KCNC2: variants seen among roughly 807,000 people sequenced by gnomAD.
The protein encoded by KCNC2 is voltage-gated potassium channel KCNC2.
A neutral mutation model predicts 44.5 loss-of-function variants in KCNC2; 21 were observed. The ratio of observed to expected loss-of-function variants is 0.47; its 90% confidence interval spans 0.33 to 0.68. The LOEUF is 0.68. Among genes scored for constraint, KCNC2 ranks in the 30% least tolerant of loss-of-function variants. KCNC2 has a pLI of 0.01. For synonymous variants in KCNC2, 391 were observed against 339.1 expected (o/e 1.15, Z -1.68); for missense variants, 589 against 826.2 (o/e 0.71, Z 3.52).
At chr12:75,092,334 T>A (rs1885556578) in intron 2 of KCNC2, among the ~76,000 whole-genome samples, 1 of 151,668 alleles carries the variant, frequency 6.6e-6, no homozygotes, top group Non-Finnish European at 1.5e-5. Context: ...TCAGCCTGTA[T>A]AATTTCTCTT....
intron 2 of KCNC2, among the ~76,000 whole-genome samples, chr12:75,128,074 C>T (rs1180256283): frequency 6.6e-6 from 1 of 151,916 alleles, no homozygotes; most frequent in Admixed American, 6.6e-5. Flanking sequence ...AAAATAATAA[C>T]TCAAATTATA....
At chr12:75,097,807 C>T (rs1886062213) in intron 2 of KCNC2, among the ~76,000 whole-genome samples, 1 of 152,036 alleles carries the variant, frequency 6.6e-6, no homozygotes, top group Non-Finnish European at 1.5e-5. Flanking sequence ...ATTAACATCT[C>T]AAAACCAAAG....
chr12:75,205,647 CATGATCTGGAAAAA>C, intron 2 of KCNC2, among the ~76,000 whole-genome samples: 1 of 152,100 alleles, frequency 6.6e-6, no homozygotes, highest in African/African-American at 2.4e-5. Context: ...TTTTGTAGCA[CATGATCTGGAAAAA>C]AAGAATCACA....
intron 2 of KCNC2, among the ~76,000 whole-genome samples, chr12:75,095,413 C>G (rs553591292): frequency 6.6e-6 from 1 of 151,818 alleles, no homozygotes; most frequent in African/African-American, 2.4e-5. Flanking sequence ...TTGCATTTTT[C>G]CCCGGCCCTG....
intron 2 of KCNC2, among the ~76,000 whole-genome samples, chr12:75,142,484 G>T (rs79352983): frequency 6.6e-6 from 1 of 152,258 alleles, no homozygotes; most frequent in East Asian, 1.9e-4. Context: ...GGCACTCTAC[G>T]TCCAATATAG....
intron 2 of KCNC2, among the ~76,000 whole-genome samples, chr12:75,084,298 A>AGATAGAT (rs1884792860): frequency 2.8e-5 from 4 of 144,200 alleles, no homozygotes; most frequent in African/African-American, 7.8e-5. Flanking sequence ...GATGATAGAT[A>AGATAGAT]GATAGATAGA....
intron 2 of KCNC2, among the ~76,000 whole-genome samples, chr12:75,109,354 G>C (rs1412448975): frequency 6.6e-6 from 1 of 152,108 alleles, no homozygotes; most frequent in Non-Finnish European, 1.5e-5. Flanking sequence ...TCACCTCTGC[G>C]CTTGATGGCA....
intron 2 of KCNC2, among the ~76,000 whole-genome samples, chr12:75,103,650 C>T (rs529253822): frequency 6.6e-6 from 1 of 152,280 alleles, no homozygotes; most frequent in South Asian, 2.1e-4. Flanking sequence ...CAAGGTTATA[C>T]TCATATACAG....
chr12:75,130,403 A>C (rs996088473), intron 2 of KCNC2, among the ~76,000 whole-genome samples: 13 of 152,016 alleles, frequency 8.6e-5, no homozygotes, highest in African/African-American at 2.2e-4. Context: ...TTTTCTATTT[A>C]TCTCTCTCAT....
intron 2 of KCNC2, among the ~76,000 whole-genome samples, chr12:75,200,999 T>G (rs2031197457): frequency 6.6e-6 from 1 of 151,558 alleles, no homozygotes; most frequent in Admixed American, 6.6e-5. Context: ...CGACTGAGAT[T>G]ATCTAATCGG....
chr12:75,147,000 C>G (rs375165192), intron 2 of KCNC2, among the ~76,000 whole-genome samples: 22 of 152,174 alleles, frequency 1.4e-4, no homozygotes, highest in Admixed American at 9.8e-4. Flanking sequence ...ATTTACACAT[C>G]ATAAGACTTT....
chr12:75,185,627 G>C (rs1324475055), intron 2 of KCNC2, among the ~76,000 whole-genome samples: 1 of 151,666 alleles, frequency 6.6e-6, no homozygotes, highest in Non-Finnish European at 1.5e-5. Context: ...AAAAAATTTT[G>C]TTCTCTACAA....
At chr12:75,092,204 A>C (rs1284030638) in intron 2 of KCNC2, among the ~76,000 whole-genome samples, 1 of 151,752 alleles carries the variant, frequency 6.6e-6, no homozygotes, top group East Asian at 1.9e-4. Flanking sequence ...ACTTAAGAAC[A>C]AAGTAAAAGC....
At chr12:75,043,380 A>G (rs1880137453) in intron 4 of KCNC2, 139 bp from the exon 5 acceptor site, 19 of 1,403,594 alleles carry the variant, frequency 1.4e-5, no homozygotes, top group Non-Finnish European at 1.7e-5. Context: ...TATTGAGACA[A>G]TTTATAACTC....
chr12:75,159,993 G>A (rs904128367), intron 2 of KCNC2, among the ~76,000 whole-genome samples: 7 of 151,790 alleles, frequency 4.6e-5, no homozygotes, highest in Admixed American at 4.6e-4. Context: ...ATATATAAAT[G>A]AATGAATAAA....
intron 2 of KCNC2, among the ~76,000 whole-genome samples, chr12:75,074,266 G>T (rs1442748552): frequency 3.7e-5 from 5 of 135,156 alleles, no homozygotes. Context: ...GGCCATTTGG[G>T]TAAAGTTGCT....
At chr12:75,138,994 A>T (rs868734017) in intron 2 of KCNC2, among the ~76,000 whole-genome samples, 1 of 122,816 alleles carries the variant, frequency 8.1e-6, no homozygotes, top group African/African-American at 2.7e-5. Context: ...AAAAAAAAAA[A>T]AAAAAAAAAA....
chr12:75,047,379 C>T (rs940495172), intron 4 of KCNC2, among the ~76,000 whole-genome samples: 1 of 151,854 alleles, frequency 6.6e-6, no homozygotes, highest in Non-Finnish European at 1.5e-5. Context: ...GGAAAAGGAC[C>T]CAAATGATAA....
intron 2 of KCNC2, among the ~76,000 whole-genome samples, chr12:75,144,640 G>GTGTGTA (rs1555216686): frequency 4.7e-5 from 7 of 149,242 alleles, no homozygotes; most frequent in East Asian, 2.0e-4. Flanking sequence ...GTGTGTGTGT[G>GTGTGTA]TATATATATA....
Sources: allele counts gnomAD v4.1 joint callset (sites outside exome capture counted in the v4.1 genomes callset), GRCh38; gene constraint gnomAD v4.1.1; transcripts MANE v1.5; gene names NCBI Gene and HGNC (gene_info 2026-07-23, HGNC 2026-07-21).